GFPT2: variants seen among roughly 807,000 people sequenced by gnomAD.
The protein encoded by GFPT2 is glutamine--fructose-6-phosphate aminotransferase [isomerizing] 2.
Under a neutral mutation model 85.6 loss-of-function variants are expected in GFPT2, and 62 were observed. That is an observed-to-expected ratio of 0.72 (90% CI 0.59 to 0.90). The LOEUF (loss-of-function observed/expected upper bound fraction) is 0.90, where lower values mean the gene tolerates loss of function less well. GFPT2 is among the 40% of genes least tolerant of loss of function. The probability of loss-of-function intolerance (pLI) is 0.00; values close to 1 mark genes in which losing one functional copy is unlikely to be tolerated. For synonymous variants in GFPT2, 368 were observed against 344.5 expected (o/e 1.07, Z -0.75); for missense variants, 788 against 893.4 (o/e 0.88, Z 1.50).
At position 180,316,962 on chromosome 5, in the gene GFPT2, C is replaced by T; in HGVS notation, c.1054+1G>A. On this transcript the variant is annotated splice_donor_variant, in intron 11 of 18. Transcript: ENST00000253778. LOFTEE classifies it high-confidence loss of function. The stretch of plus-strand genomic sequence containing the variant: ...GGCTCCCCACCGAGTGTAGGAATTA[C>T]CTGTGTTGGTTTCAAAATTCACCCG... 6.3e-7 allele frequency: 1 copy of T among 1,593,734 alleles called. No individual in the cohort carries two copies. The highest frequency in any genetic ancestry group is 8.6e-7 in the Non-Finnish European group (1 of 1,161,388).
intron 7 of GFPT2, among the ~76,000 whole-genome samples, chr5:180,325,954 G>A (rs1242474860): frequency 6.6e-6 from 1 of 152,180 alleles, no homozygotes; most frequent in Non-Finnish European, 1.5e-5. Flanking sequence ...GAACCCGGGA[G>A]GCGGAGGTTG....
intron 1 of GFPT2, chr5:180,352,338 GGAAA>G: frequency 3.5e-6 from 1 of 284,210 alleles, no homozygotes; most frequent in Non-Finnish European, 6.6e-6. Flanking sequence ...TCCTACTCAA[GGAAA>G]AAAAAAAAAA....
intron 7 of GFPT2, among the ~76,000 whole-genome samples, chr5:180,325,438 T>G (rs1266980894): frequency 6.6e-6 from 1 of 152,200 alleles, no homozygotes; most frequent in African/African-American, 2.4e-5. Flanking sequence ...ATAAGGTGAT[T>G]TCTTGGGTGG....
In GFPT2 at chr5:180,307,228, A is replaced by AGCGATCTCT. The variant is rs1421715280; in HGVS notation, c.1613_1621dup (p.Gln538_Ser540dup). ...GTTGTAGCCCCGCCCCATCACCAGCAGCGATCTCTGCGTGTAGAGCTCCAG... is the reference window on the plus strand; with the variant it reads ...GTTGTAGCCCCGCCCCATCACCAGCAGCGATCTCTGCGATCTCTGCGTGTAGAGCTCCAG... On this transcript the variant is annotated inframe_insertion, in exon 16 of 19. Coordinates refer to ENST00000253778, the MANE Select transcript of GFPT2 (RefSeq NM_005110.4). 4 of 1,612,724 alleles carry AGCGATCTCT rather than the reference A, an allele frequency of 2.5e-6. No homozygotes were observed. Among genetic ancestry groups the AGCGATCTCT allele is most frequent in the Non-Finnish European group, 3.4e-6 (4 of 1,179,532 alleles).
chr5:180,347,042 T>A (rs940733374), intron 1 of GFPT2, among the ~76,000 whole-genome samples: 1 of 152,142 alleles, frequency 6.6e-6, no homozygotes, highest in Admixed American at 6.5e-5. Flanking sequence ...ATTTCTCACA[T>A]TGAAGAGACA....
intron 1 of GFPT2, among the ~76,000 whole-genome samples, chr5:180,344,476 G>C (rs1057321038): frequency 5.9e-5 from 9 of 152,282 alleles, no homozygotes; most frequent in South Asian, 2.1e-4. Flanking sequence ...ATCCACAGGG[G>C]GATGTCCTAG....
rs1427539459 is a variant in GFPT2, at chr5:180,324,182, A to G, written c.794+6T>C. Reference sequence around the variant, plus strand: ...CCAGGAAGCGAAGAGAAGAAGGCTCAGTTACCTTGCATCAGAAGCAAAGAA... The same window carrying G: ...CCAGGAAGCGAAGAGAAGAAGGCTCGGTTACCTTGCATCAGAAGCAAAGAA... On this transcript the variant is annotated splice_donor_region_variant and intron_variant, in intron 9 of 18. Coordinates refer to ENST00000253778, the MANE Select transcript of GFPT2 (RefSeq NM_005110.4). 4 of 1,493,546 alleles carry G rather than the reference A, an allele frequency of 2.7e-6. No homozygotes were observed. The highest frequency in any genetic ancestry group is 2.8e-6 in the Non-Finnish European group (3 of 1,072,146). The allele number at this position is 1,493,546 out of a possible 1,614,324, so 92.5% of individuals were successfully genotyped here. A position where few individuals can be genotyped will look rare whatever the true frequency, so the allele number is the denominator to read the frequency against.
chr5:180,338,040 G>A (rs920266364), intron 2 of GFPT2, among the ~76,000 whole-genome samples: 3 of 152,168 alleles, frequency 2.0e-5, no homozygotes, highest in East Asian at 1.9e-4. Context: ...GCTGAGGGTC[G>A]CCTGAGCCCA....
rs1250407006 is a variant in GFPT2 at position 180,328,426 on chromosome 5, C to T, written c.535-88G>A. ...AGCCCAGGTGCGTCTCCCTGGGCCC[C>T]TCCTGATGGCGGGAGGTCCTGGGGT... On this transcript the variant is annotated intron_variant, in intron 6 of 18. Coordinates refer to ENST00000253778, the MANE Select transcript of GFPT2 (RefSeq NM_005110.4). This position sits in a 1 kb window ranked among gnomAD's most constrained non-coding sequence, Gnocchi z 5.4. 4.9e-6 allele frequency: 5 copies of T among 1,029,518 alleles called. No homozygotes were observed. In the East Asian group the frequency reaches 9.5e-5, roughly 20 times the overall value. The allele number at this position is 1,029,518 out of a possible 1,614,324, so 63.8% of individuals were successfully genotyped here.
chr5:180,301,718 G>A (rs1304347235), intron 18 of GFPT2, 110 bp from the exon 19 acceptor site: 7 of 878,552 alleles, frequency 8.0e-6, no homozygotes, highest in African/African-American at 1.6e-5. Context: ...GTTCACCATG[G>A]TCACCAACCT....
At chr5:180,304,011 G>A (rs1239443721) in intron 17 of GFPT2, among the ~76,000 whole-genome samples, 2 of 152,120 alleles carry the variant, frequency 1.3e-5, no homozygotes, top group Non-Finnish European at 1.5e-5. Flanking sequence ...TGGCGACTGA[G>A]TTTGATCACA....
intron 2 of GFPT2, among the ~76,000 whole-genome samples, chr5:180,337,321 T>A (rs372120185): frequency 6.6e-6 from 1 of 151,718 alleles, no homozygotes; most frequent in Admixed American, 6.6e-5. Flanking sequence ...GGTGTGGTGG[T>A]GGGCGCCTGT....
Position 180,340,511 on chromosome 5 carries a change from GT to G in GFPT2, c.8-1912del, listed in dbSNP as rs779151812. ...GTGAGCCACCCTGCCTGGCCTGCAG[GT>G]TTTTTTTTTTTTTTTTTGAGACGGA... On this transcript the variant is annotated intron_variant, in intron 1 of 18. Transcript: ENST00000253778. Among the ~76,000 whole-genome samples the G allele has an allele frequency of 5.1e-3, 580 of 113,360 alleles. 14 individuals are homozygous for G. The South Asian group carries it at 0.094, about 18-fold the overall frequency. The allele number at this position is 113,360 out of a possible 152,430, so 74.4% of individuals were successfully genotyped here. A position where few individuals can be genotyped will look rare whatever the true frequency, so the allele number is the denominator to read the frequency against.
intron 8 of GFPT2, 193 bp downstream of exon 8, chr5:180,324,623 G>A: frequency 1.7e-6 from 1 of 596,986 alleles, no homozygotes; most frequent in Non-Finnish European, 3.0e-6. Flanking sequence ...TCATGTCCAT[G>A]ATAAAAAGCT....
chr5:180,318,999 C>T lies in GFPT2; in HGVS notation c.795-43G>A. The T allele has an allele frequency of 1.3e-6, 2 of 1,583,020 alleles. No homozygotes were observed. The highest frequency in any genetic ancestry group is 1.7e-6 in the Non-Finnish European group (2 of 1,159,604). On this transcript the variant is annotated intron_variant, in intron 9 of 18. Coordinates refer to ENST00000253778, the MANE Select transcript of GFPT2 (RefSeq NM_005110.4). The surrounding 1 kb of genome is among the most constrained non-coding windows in gnomAD (Gnocchi z 4.2). ...GGCATCATCAGTGCCCTGCCCTGAG[C>T]AGTTACGAGGCAGCAGCCCCTTGCT...
intron 4 of GFPT2, among the ~76,000 whole-genome samples, chr5:180,333,266 A>G (rs1028116600): frequency 8.0e-5 from 12 of 149,078 alleles, no homozygotes; most frequent in South Asian, 2.1e-4. Context: ...ATGGAGTCTC[A>G]CTCTGTCGCC....
intron 1 of GFPT2, among the ~76,000 whole-genome samples, chr5:180,348,081 C>T (rs977913781): frequency 1.3e-5 from 2 of 152,176 alleles, no homozygotes; most frequent in African/African-American, 2.4e-5. Context: ...AGGACTCACC[C>T]CTCAGAGATC....
At chr5:180,341,667 CAGCCAAGGGCA>C (rs1388841233) in intron 1 of GFPT2, among the ~76,000 whole-genome samples, 2 of 152,056 alleles carry the variant, frequency 1.3e-5, no homozygotes, top group African/African-American at 4.8e-5. Flanking sequence ...CCTTTAAAAT[CAGCCAAGGGCA>C]ATTTTCTCGG....
chr5:180,338,740 A>G (rs1764451815), intron 1 of GFPT2, 140 bp from the exon 2 acceptor site: 2 of 587,664 alleles, frequency 3.4e-6, no homozygotes. Flanking sequence ...CTCCCTGAGC[A>G]CAGCTGAAGA....
Sources: gnomAD v4.1 joint callset for allele counts (sites outside exome capture counted in the v4.1 genomes callset) on GRCh38, gnomAD v4.1.1 for gene constraint, Gnocchi (gnomAD v3.1) non-coding constraint, MANE v1.5 for transcripts, NCBI Gene and HGNC (gene_info 2026-07-23, HGNC 2026-07-21) for gene names.